CBX2: variants seen among roughly 807,000 people sequenced by gnomAD.
The protein encoded by CBX2 is chromobox 2.
A neutral mutation model predicts 21.0 loss-of-function variants in CBX2; 11 were observed. The ratio of observed to expected loss-of-function variants is 0.52; its 90% CI spans 0.33 to 0.87. CBX2 has a LOEUF of 0.87. Ranked by LOEUF, CBX2 falls within the 40% of genes least tolerant of loss-of-function variation. The probability of loss-of-function intolerance (pLI) is 0.02; values close to 1 mark genes in which losing one functional copy is unlikely to be tolerated. For synonymous variants in CBX2, 364 were observed against 304.6 expected, an observed-to-expected ratio of 1.19 and a Z score of -2.03; for missense variants, 746 against 724.3, an observed-to-expected ratio of 1.03 and a Z score of -0.34.
At position 79,778,231 on chromosome 17, in the gene CBX2, G is replaced by T; in HGVS notation, c.-5G>T. 7.0e-7 allele frequency: 1 copy of T among 1,426,104 alleles called. No individual in the cohort carries two copies. The allele number at this position is 1,426,104 out of a possible 1,614,324, so 88.3% of individuals were successfully genotyped here. ...GCGCCGCGGTCGGGCTGGCTGCCGGGCAGCATGGAGGAGCTGAGCAGCGTG... is the reference window on the plus strand; with the variant it reads ...GCGCCGCGGTCGGGCTGGCTGCCGGTCAGCATGGAGGAGCTGAGCAGCGTG... On this transcript the variant is annotated 5_prime_UTR_variant, in exon 1 of 5. Transcript: ENST00000310942. The surrounding 1 kb of genome is among the most constrained non-coding windows in gnomAD (Gnocchi z 4.8).
chr17:79,784,646 G>A lies in CBX2; in HGVS notation c.1203G>A (p.Gly401=), dbSNP rs1907500024. The change falls in exon 5 of 5, where the codon GGG becomes GGA. Residue 401 remains glycine, a synonymous_variant. Transcript: ENST00000310942. The surrounding 1 kb of genome is among the most constrained non-coding windows in gnomAD (Gnocchi z 5.9). ...GGAGTGGCCTCATTGGGGCCAGCGG[G>A]GCCACCATGCCCACCGACACAAGCA... ...GTGSGLIGAS[G]ATMPTDTSKS... The A allele has an allele frequency of 3.7e-6, 6 of 1,612,266 alleles. No homozygotes were observed. Among genetic ancestry groups the A allele is most frequent in the Admixed American group, 1.7e-5 (1 of 59,968 alleles).
intron 4 of CBX2, chr17:79,782,270 G>A: frequency 6.5e-7 from 1 of 1,546,722 alleles, no homozygotes; most frequent in Non-Finnish European, 8.7e-7. Context: ...TGACTGAATA[G>A]CCAGGGGGTG....
In CBX2 at chr17:79,784,775, A is replaced by G; in HGVS notation, c.1332A>G (p.Thr444=). The G allele has an allele frequency of 2.5e-6, 4 of 1,610,616 alleles. No individual in the cohort carries two copies. The highest frequency in any genetic ancestry group is 3.3e-4 in the Middle Eastern group (2 of 6,052). ...SATPSGQESR[T]APGEARKAAT... ...CCCCCAGTGGGCAGGAGAGCCGCAC[A>G]GCCCCCGGAGAAGCCCGCAAGGCGG... The change falls in exon 5 of 5, where the codon ACA becomes ACG. Residue 444 remains threonine, a synonymous_variant. Coordinates refer to ENST00000310942, the MANE Select transcript of CBX2 (RefSeq NM_005189.3). The surrounding 1 kb of genome is among the most constrained non-coding windows in gnomAD (Gnocchi z 5.9).
At chr17:79,781,514 A>G (rs1907197593) in intron 3 of CBX2, among the ~76,000 whole-genome samples, 182 bp from the exon 4 acceptor site, 1 of 152,142 alleles carries the variant, frequency 6.6e-6, no homozygotes, top group African/African-American at 2.4e-5. Flanking sequence ...ATGGCTGGTT[A>G]CTGACCCTAG....
In CBX2 at chr17:79,778,822, A is replaced by G. The variant is rs1555829616; in HGVS notation, c.116+395A>G. ...TTTTTTTTTTTCTTTCTTTTAATGG[A>G]AGGGAGGGTGTTTGGCATCCCCGGA... On this transcript the variant is annotated intron_variant, in intron 2 of 4. Coordinates refer to ENST00000310942, the MANE Select transcript of CBX2 (RefSeq NM_005189.3). This position sits in a 1 kb window ranked among gnomAD's most constrained non-coding sequence, Gnocchi z 4.8. Among the ~76,000 whole-genome samples, 1 of 151,280 alleles carries G rather than the reference A, an allele frequency of 6.6e-6. No individual in the cohort carries two copies. The highest frequency in any genetic ancestry group is 2.0e-4 in the East Asian group (1 of 5,114).
At chr17:79,778,142 G>T (rs1241190310), upstream of CBX2, 3 of 543,852 alleles carry the variant, frequency 5.5e-6, no homozygotes, top group Admixed American at 6.3e-5. This position sits in a 1 kb window ranked among gnomAD's most constrained non-coding sequence, Gnocchi z 4.8. Context: ...GGCGCCGGGC[G>T]GGGGCGGTGC....
intron 4 of CBX2, chr17:79,782,432 T>C: frequency 3.1e-6 from 4 of 1,302,338 alleles, no homozygotes; most frequent in East Asian, 3.5e-5. Context: ...GTAGGGCCCC[T>C]CCCTCCCCTG....
Position 79,786,454 on chromosome 17 carries a change from C to T in CBX2, c.*1412C>T, listed in dbSNP as rs926780268. The T allele has an allele frequency of 2.0e-5, 3 of 152,592 alleles. No individual in the cohort carries two copies. Among genetic ancestry groups the T allele is most frequent in the Admixed American group, 1.3e-4 (2 of 15,286 alleles). 9.5% of individuals were successfully genotyped at this position (152,592 alleles called of 1,614,324 possible). Reference sequence around the variant, plus strand: ...GAAGCTGGATCTGTCAGCCTCGGCCCTGAGGCCCCTGTTAACTCAAGACTG... The same window carrying T: ...GAAGCTGGATCTGTCAGCCTCGGCCTTGAGGCCCCTGTTAACTCAAGACTG... On this transcript the variant is annotated 3_prime_UTR_variant, in exon 5 of 5. Coordinates refer to ENST00000310942, the MANE Select transcript of CBX2 (RefSeq NM_005189.3).
chr17:79,779,342 C>T lies in CBX2; in HGVS notation c.117-20C>T, dbSNP rs782626585. 4 of 1,612,606 alleles carry T rather than the reference C, an allele frequency of 2.5e-6. No homozygotes were observed. The highest frequency in any genetic ancestry group is 3.4e-6 in the Non-Finnish European group (4 of 1,179,462). On this transcript the variant is annotated intron_variant, in intron 2 of 4. Transcript: ENST00000310942. ...ATCATCAGCCTGGCGTCTAATGCTGCCCTGTCCTCTGCTTTGCAGACATAA... is the reference window on the plus strand; with the variant it reads ...ATCATCAGCCTGGCGTCTAATGCTGTCCTGTCCTCTGCTTTGCAGACATAA...
In CBX2 at chr17:79,778,576, G is replaced by C; in HGVS notation, c.116+149G>C. ...GGTCCCCGCGGGCTCCTCCGGCTCTGAGGGGGGCGGGGGCCGCCCGGCCCG... is the reference window on the plus strand; with the variant it reads ...GGTCCCCGCGGGCTCCTCCGGCTCTCAGGGGGGCGGGGGCCGCCCGGCCCG... On this transcript the variant is annotated intron_variant, in intron 2 of 4. Transcript: ENST00000310942. This position sits in a 1 kb window ranked among gnomAD's most constrained non-coding sequence, Gnocchi z 4.8. The C allele has an allele frequency of 2.2e-6, 1 of 457,490 alleles. No homozygotes were observed. The highest frequency in any genetic ancestry group is 3.7e-6 in the Non-Finnish European group (1 of 273,002). The allele number at this position is 457,490 out of a possible 1,614,324, so 28.3% of individuals were successfully genotyped here.
chr17:79,784,898 G>T lies in CBX2; in HGVS notation c.1455G>T (p.Val485=). 1 of 1,613,442 alleles carries T rather than the reference G, an allele frequency of 6.2e-7. No homozygotes were observed. Among genetic ancestry groups the T allele is most frequent in the Non-Finnish European group, 8.5e-7 (1 of 1,180,026 alleles). Residue 485 remains valine, a synonymous_variant, in exon 5 of 5, where the codon GTG becomes GTT. Coordinates refer to ENST00000310942, the MANE Select transcript of CBX2 (RefSeq NM_005189.3). This position sits in a 1 kb window ranked among gnomAD's most constrained non-coding sequence, Gnocchi z 5.9. ...SPPSTGQNPS[V]SVQTSQDWKP... ...CCAGCACTGGACAGAACCCGTCAGTGTCCGTTCAGACCAGCCAGGACTGGA... is the reference window on the plus strand; with the variant it reads ...CCAGCACTGGACAGAACCCGTCAGTTTCCGTTCAGACCAGCCAGGACTGGA...
At position 79,784,193 on chromosome 17, in the gene CBX2, C is replaced by T. The variant is rs1368541411; in HGVS notation, c.750C>T (p.Ile250=). 8 of 1,612,784 alleles carry T rather than the reference C, an allele frequency of 5.0e-6. No individual in the cohort carries two copies. Among genetic ancestry groups the T allele is most frequent in the Non-Finnish European group, 5.9e-6 (7 of 1,179,924 alleles). The change falls in exon 5 of 5, where the codon ATC becomes ATT. Residue 250 remains isoleucine, a synonymous_variant. Transcript: ENST00000310942. The surrounding 1 kb of genome is among the most constrained non-coding windows in gnomAD (Gnocchi z 5.9). ...GMASSPGRGG[I]SWQSSIVHYM... ...CCAGTAGCCCCGGCCGGGGTGGCAT[C>T]AGCTGGCAGAGCTCCATCGTGCACT...
upstream of CBX2, among the ~76,000 whole-genome samples, chr17:79,777,874 G>A (rs1242380361): frequency 6.7e-6 from 1 of 150,180 alleles, no homozygotes; most frequent in Non-Finnish European, 1.5e-5. Context: ...CCCCAGGCCC[G>A]AAGTCCCTAG....
At position 79,778,487 on chromosome 17, in the gene CBX2, G is replaced by T; in HGVS notation, c.116+60G>T. On this transcript the variant is annotated intron_variant, in intron 2 of 4. Transcript: ENST00000310942. This position sits in a 1 kb window ranked among gnomAD's most constrained non-coding sequence, Gnocchi z 4.8. ...CCCCTCGCCCGGGGGTGGGGACGTG[G>T]AGCCCCTCGGCCGCGCCGTCCGGTG... is the stretch of plus-strand genomic sequence containing the variant. 1.7e-6 allele frequency: 2 copies of T among 1,200,326 alleles called. No individual in the cohort carries two copies. The highest frequency in any genetic ancestry group is 2.3e-6 in the Non-Finnish European group (2 of 874,484). The allele number at this position is 1,200,326 out of a possible 1,614,324, so 74.4% of individuals were successfully genotyped here. A position where few individuals can be genotyped will look rare whatever the true frequency, so the allele number is the denominator to read the frequency against.
chr17:79,781,824 C>T, intron 4 of CBX2, 23 bp downstream of exon 4: 1 of 1,613,986 alleles, frequency 6.2e-7, no homozygotes, highest in South Asian at 1.1e-5. Flanking sequence ...GCTGGGTATG[C>T]TGACCCCACC....
chr17:79,784,309 A>T lies in CBX2; in HGVS notation c.866A>T (p.Asp289Val), dbSNP rs782226215. 1 of 1,613,202 alleles carries T rather than the reference A, an allele frequency of 6.2e-7. No homozygotes were observed. Among genetic ancestry groups the T allele is most frequent in the South Asian group, 1.1e-5 (1 of 91,086 alleles). The change falls in exon 5 of 5, where the codon GAC becomes GTC. Residue 289 changes from aspartate (D) to valine (V), a missense_variant. By Grantham distance (152) the Asp-to-Val change is radical. Coordinates refer to ENST00000310942, the MANE Select transcript of CBX2 (RefSeq NM_005189.3). This position sits in a 1 kb window ranked among gnomAD's most constrained non-coding sequence, Gnocchi z 5.9. Reference protein sequence around the residue: ...QATNKCGLGLDLKVRTQKGEL... With the variant: ...QATNKCGLGLVLKVRTQKGEL... The stretch of plus-strand genomic sequence containing the variant: ...ACCAACAAGTGCGGCCTCGGGCTGG[A>T]CCTGAAGGTGAGGACGCAGAAAGGG...
Position 79,778,273 on chromosome 17 carries a change from C to G in CBX2, c.38C>G (p.Ala13Gly). ...ELSSVGEQVF[A>G]AECILSKRLR... ...AGCAGCGTGGGCGAGCAGGTCTTCG[C>G]CGCCGAGTGCATCCTGAGCAAGCGG... The change falls in exon 1 of 5, where the codon GCC (alanine) becomes GGC (glycine). Residue 13 changes from alanine to glycine, a missense_variant. Ala to Gly is a moderately conservative substitution (Grantham distance 60). Coordinates refer to ENST00000310942, the MANE Select transcript of CBX2 (RefSeq NM_005189.3). The surrounding 1 kb of genome is among the most constrained non-coding windows in gnomAD (Gnocchi z 4.8). 6.5e-7 allele frequency: 1 copy of G among 1,534,252 alleles called. No homozygotes were observed. Among genetic ancestry groups the G allele is most frequent in the Non-Finnish European group, 8.7e-7 (1 of 1,146,930 alleles).
intron 3 of CBX2, among the ~76,000 whole-genome samples, 198 bp from the exon 4 acceptor site, chr17:79,781,498 A>G (rs1907197148): frequency 6.6e-6 from 1 of 152,068 alleles, no homozygotes; most frequent in Admixed American, 6.6e-5. Context: ...AGCCAAATGA[A>G]ATGGGATGGC....
chr17:79,781,158 G>A (rs1257234342), intron 3 of CBX2, among the ~76,000 whole-genome samples: 4 of 152,144 alleles, frequency 2.6e-5, no homozygotes, highest in Non-Finnish European at 5.9e-5. Flanking sequence ...TAGGAACAGA[G>A]AGGTATTTTT....
Sources: allele counts gnomAD v4.1 joint callset (sites outside exome capture counted in the v4.1 genomes callset), GRCh38; gene constraint gnomAD v4.1.1; non-coding constraint Gnocchi (gnomAD v3.1); transcripts MANE v1.5; gene names NCBI Gene and HGNC (gene_info 2026-07-23, HGNC 2026-07-21).